The following HDAC4 variants were observed in gnomAD, a reference collection of about 807,000 sequenced individuals.
HDAC4 encodes histone deacetylase 4.
A neutral mutation model predicts 135.1 loss-of-function variants in HDAC4; 16 were observed. The observed-to-expected ratio is 0.12, with a 90% CI of 0.08 to 0.18. The LOEUF (loss-of-function observed/expected upper bound fraction) is 0.18, where lower values mean the gene tolerates loss of function less well. Ranked by LOEUF, HDAC4 falls within the 10% of genes least tolerant of loss-of-function variation. The pLI is 1.00. For missense variants in HDAC4, 1,143 were observed against 1,511.8 expected (o/e 0.76, Z 4.05); for synonymous variants, 685 against 653.4 (o/e 1.05, Z -0.74).
At chr2:239,147,116 G>A (rs2041817486) in intron 7 of HDAC4, among the ~76,000 whole-genome samples, 1 of 152,232 alleles carries the variant, frequency 6.6e-6, no homozygotes. Context: ...TGGATGCGGG[G>A]CTCGGGGAGG....
intron 16 of HDAC4, among the ~76,000 whole-genome samples, chr2:239,095,949 T>C (rs949867619): frequency 6.6e-6 from 1 of 152,136 alleles, no homozygotes; most frequent in Non-Finnish European, 1.5e-5. Context: ...CCAGGGAGAC[T>C]GGCTTGATGT....
chr2:239,218,908 AC>A (rs2046794351), intron 3 of HDAC4, among the ~76,000 whole-genome samples: 1 of 151,272 alleles, frequency 6.6e-6, no homozygotes, highest in South Asian at 2.1e-4. Flanking sequence ...GCAAATCAAA[AC>A]CACAATGAGA....
At chr2:239,102,474 CA>C (rs2037755485) in intron 16 of HDAC4, 3 of 404,008 alleles carry the variant, frequency 7.4e-6, no homozygotes, top group Non-Finnish European at 1.4e-5. Flanking sequence ...CCCTGCAGGG[CA>C]GGGCGGGCAG....
intron 1 of HDAC4, among the ~76,000 whole-genome samples, chr2:239,376,659 A>G (rs907892430): frequency 3.3e-5 from 5 of 152,216 alleles, no homozygotes; most frequent in Admixed American, 2.0e-4. Flanking sequence ...ATTGCCCGGG[A>G]CGCCTAGTTT....
chr2:239,113,413 C>A (rs560169448), intron 13 of HDAC4, among the ~76,000 whole-genome samples: 1 of 152,288 alleles, frequency 6.6e-6, no homozygotes, highest in African/African-American at 2.4e-5. Context: ...GGGCCCCACG[C>A]GGTTAAGTGG....
intron 2 of HDAC4, among the ~76,000 whole-genome samples, chr2:239,266,882 C>A (rs2049766269): frequency 1.3e-5 from 2 of 152,144 alleles, no homozygotes; most frequent in African/African-American, 4.8e-5. Context: ...TGTGGCCTTC[C>A]CCAGGGGACA....
intron 3 of HDAC4, among the ~76,000 whole-genome samples, chr2:239,216,705 T>C (rs2046660027): frequency 6.6e-6 from 1 of 152,190 alleles, no homozygotes; most frequent in Non-Finnish European, 1.5e-5. Flanking sequence ...CCTGCTGCAC[T>C]CCTTCCTCCT....
At chr2:239,384,742 T>C (rs1308316896) in intron 1 of HDAC4, among the ~76,000 whole-genome samples, 1 of 152,102 alleles carries the variant, frequency 6.6e-6, no homozygotes, top group Non-Finnish European at 1.5e-5. Flanking sequence ...CAGCACCATA[T>C]ACCCCACGGC....
chr2:239,340,478 G>A (rs895408320), intron 2 of HDAC4, among the ~76,000 whole-genome samples: 1 of 152,188 alleles, frequency 6.6e-6, no homozygotes, highest in African/African-American at 2.4e-5. Context: ...GCATGGGACA[G>A]AGGAGGACCA....
intron 1 of HDAC4, among the ~76,000 whole-genome samples, chr2:239,371,563 TCA>T (rs1334710930): frequency 5.3e-5 from 8 of 152,092 alleles, no homozygotes; most frequent in South Asian, 2.1e-4. Context: ...GCACTCATGC[TCA>T]CAGTGTAACA....
intron 2 of HDAC4, among the ~76,000 whole-genome samples, chr2:239,323,959 T>G (rs2053395062): frequency 6.6e-6 from 1 of 152,180 alleles, no homozygotes; most frequent in South Asian, 2.1e-4. Context: ...ATATCCTCTA[T>G]TGCTTCCCCT....
intron 3 of HDAC4, among the ~76,000 whole-genome samples, chr2:239,218,883 G>A (rs1156652260): frequency 2.6e-5 from 4 of 151,570 alleles, no homozygotes; most frequent in African/African-American, 7.3e-5. Context: ...CACCATCACC[G>A]GCCATCAGAG....
At chr2:239,176,618 G>A (rs948628337) in intron 4 of HDAC4, 55 bp from the exon 5 acceptor site, 2 of 1,551,468 alleles carry the variant, frequency 1.3e-6, no homozygotes, top group Non-Finnish European at 1.8e-6. Flanking sequence ...CACACACACA[G>A]AGACCCAATG....
intron 2 of HDAC4, among the ~76,000 whole-genome samples, chr2:239,315,351 A>G (rs1184726195): frequency 6.6e-6 from 1 of 152,206 alleles, no homozygotes. Context: ...AAACTTTTTA[A>G]ATTGAGTGAG....
At chr2:239,094,754 T>G in intron 17 of HDAC4, 1 of 1,342,436 alleles carries the variant, frequency 7.4e-7, no homozygotes, top group Non-Finnish European at 9.6e-7. Context: ...GGATCCTGTT[T>G]CTTAAAGCGA....
intron 3 of HDAC4, among the ~76,000 whole-genome samples, chr2:239,195,806 A>C (rs1247266828): frequency 6.6e-6 from 1 of 152,252 alleles, no homozygotes; most frequent in Non-Finnish European, 1.5e-5. Context: ...GTGAGAGCAC[A>C]AAGGCCGCAT....
At chr2:239,075,429 G>A (rs1338049756) in intron 22 of HDAC4, among the ~76,000 whole-genome samples, 3 of 152,116 alleles carry the variant, frequency 2.0e-5, no homozygotes, top group Non-Finnish European at 4.4e-5. Context: ...TCCACTGATC[G>A]TCAGCTCAAG....
At position 239,266,227 on chromosome 2, in the gene HDAC4, C is replaced by A. The variant is rs921969697; in HGVS notation, c.23-29563G>T. 2.6e-5 allele frequency among the ~76,000 whole-genome samples: 4 copies of A among 152,342 alleles called. No individual in the cohort carries two copies. The South Asian group carries it at 8.3e-4, about 32-fold the overall frequency. ...CGAGGCAGGGAGCCCACACTCCAGGCAGGCCTACTTCCTGTAGCAGAGCCG... is the reference window on the plus strand; with the variant it reads ...CGAGGCAGGGAGCCCACACTCCAGGAAGGCCTACTTCCTGTAGCAGAGCCG... On this transcript the variant is annotated intron_variant, in intron 2 of 26. Transcript: ENST00000543185.
At chr2:239,085,926 GC>G (rs2035898320) in intron 19 of HDAC4, 1 of 149,806 alleles carries the variant, frequency 6.7e-6, no homozygotes, top group African/African-American at 2.5e-5. Flanking sequence ...AGGAGACTCT[GC>G]TCTAACACGC....
Sources: gnomAD v4.1 joint callset for allele counts (sites outside exome capture counted in the v4.1 genomes callset) on GRCh38, gnomAD v4.1.1 for gene constraint, MANE v1.5 for transcripts, NCBI Gene and HGNC (gene_info 2026-07-23, HGNC 2026-07-21) for gene names.